The following SIN3A variants were observed in gnomAD, a reference collection of about 807,000 sequenced individuals.
The protein encoded by SIN3A is SIN3 transcription regulator family member A.
In SIN3A, 14 loss-of-function variants were observed where a neutral mutation model predicts 146.1. The ratio of observed to expected loss-of-function variants is 0.10; its 90% CI spans 0.06 to 0.15. SIN3A has a LOEUF of 0.15. Ranked by LOEUF, SIN3A falls within the 10% of genes least tolerant of loss-of-function variation. SIN3A has a pLI of 1.00. For missense variants in SIN3A, 1,028 were observed against 1,576.0 expected (o/e 0.65, Z 5.89); for synonymous variants, 572 against 572.0 (o/e 1.00, Z 0.00).
chr15:75,413,048 G>A lies in SIN3A; in HGVS notation c.474-3C>T. On this transcript the variant is annotated splice_polypyrimidine_tract_variant and splice_region_variant and intron_variant, in intron 4 of 20. Transcript: ENST00000394947. The stretch of plus-strand genomic sequence containing the variant: ...TAATCACTCCTGGGGTGTCGATGCT[G>A]ATAAAAAACAAAAAGAAAAGTGATA... 1.3e-6 allele frequency: 2 copies of A among 1,584,212 alleles called. No individual in the cohort carries two copies. The highest frequency in any genetic ancestry group is 2.0e-5 in the Admixed American group (1 of 51,106).
At chr15:75,385,776 T>C (rs1292267478) in intron 16 of SIN3A, among the ~76,000 whole-genome samples, 2 of 152,188 alleles carry the variant, frequency 1.3e-5, no homozygotes, top group African/African-American at 4.8e-5. Flanking sequence ...AGTAGATAAC[T>C]GGACACAGTG....
At chr15:75,434,100 C>T (rs1043119157) in intron 1 of SIN3A, among the ~76,000 whole-genome samples, 1 of 152,200 alleles carries the variant, frequency 6.6e-6, no homozygotes, top group African/African-American at 2.4e-5. Flanking sequence ...ACTACCTTAC[C>T]TCTCACAGAA....
upstream of SIN3A, among the ~76,000 whole-genome samples, chr15:75,454,501 T>TCCCGCCGGCGCCCCGCCTA (rs2074459157): frequency 6.6e-6 from 1 of 150,782 alleles, no homozygotes; most frequent in Non-Finnish European, 1.5e-5. Context: ...CCGGGACGGT[T>TCCCGCCGGCGCCCCGCCTA]CCCGCCGGCG....
At chr15:75,413,528 A>G (rs1023812305) in intron 4 of SIN3A, among the ~76,000 whole-genome samples, 1 of 150,646 alleles carries the variant, frequency 6.6e-6, no homozygotes, top group African/African-American at 2.4e-5. Flanking sequence ...TTAGACTCAA[A>G]GATACTTGGC....
At chr15:75,380,509 C>T (rs1567314966) in intron 19 of SIN3A, 120 bp downstream of exon 19, 1 of 736,302 alleles carries the variant, frequency 1.4e-6, no homozygotes, top group African/African-American at 1.7e-5. Flanking sequence ...GAATTAGCAT[C>T]CCCAGCAGAT....
chr15:75,440,310 A>G (rs1167814287), intron 1 of SIN3A, among the ~76,000 whole-genome samples: 1 of 150,900 alleles, frequency 6.6e-6, no homozygotes, highest in Non-Finnish European at 1.5e-5. Context: ...AACTCACTGC[A>G]ACCTCTGCCT....
rs1299400927 is a variant in SIN3A, at chr15:75,389,750, C to G, written c.2923G>C (p.Asp975His). 1 of 1,614,080 alleles carries G rather than the reference C, an allele frequency of 6.2e-7. No homozygotes were observed. Among genetic ancestry groups the G allele is most frequent in the African/African-American group, 1.3e-5 (1 of 75,024 alleles). The change falls in exon 16 of 21, where the codon GAC (aspartate) becomes CAC (histidine). Residue 975 changes from aspartate to histidine, a missense_variant. By Grantham distance (81) the Asp-to-His change is moderately conservative. Coordinates refer to ENST00000394947, the MANE Select transcript of SIN3A (RefSeq NM_001145358.2). ...AGTGAATCTTCATACTGTGATGAGT[C>G]TATGTTGCCATCCAGCAGGCTCCGC... ...MVRSLLDGNI[D>H]SSQYEDSLRE...
chr15:75,424,067 T>C (rs972172205), intron 2 of SIN3A, among the ~76,000 whole-genome samples: 3 of 152,128 alleles, frequency 2.0e-5, no homozygotes, highest in African/African-American at 7.2e-5. Flanking sequence ...TTTCTTAAAA[T>C]TTCAATCCAT....
intron 19 of SIN3A, among the ~76,000 whole-genome samples, chr15:75,377,090 G>A (rs1437916715): frequency 2.0e-5 from 3 of 152,142 alleles, no homozygotes; most frequent in Non-Finnish European, 2.9e-5. Context: ...GAACAAAAAT[G>A]CTGGTGGTGG....
Position 75,371,570 on chromosome 15 carries a change from G to C in SIN3A, c.*409C>G. ...TAGTTCCAATCCATCTGAGTATTAAGTCCTTCTCCAGTCTGTTTTGTAAAT... is the reference window on the plus strand; with the variant it reads ...TAGTTCCAATCCATCTGAGTATTAACTCCTTCTCCAGTCTGTTTTGTAAAT... On this transcript the variant is annotated 3_prime_UTR_variant, in exon 21 of 21. Coordinates refer to ENST00000394947, the MANE Select transcript of SIN3A (RefSeq NM_001145358.2). The C allele has an allele frequency of 5.7e-6, 1 of 174,004 alleles. No homozygotes were observed. Among genetic ancestry groups the C allele is most frequent in the Non-Finnish European group, 1.2e-5 (1 of 82,444 alleles). 10.8% of individuals were successfully genotyped at this position (174,004 alleles called of 1,614,324 possible). A position where few individuals can be genotyped will look rare whatever the true frequency, so the allele number is the denominator to read the frequency against.
intron 1 of SIN3A, among the ~76,000 whole-genome samples, chr15:75,437,718 C>T (rs2141598450): frequency 6.6e-6 from 1 of 152,276 alleles, no homozygotes; most frequent in South Asian, 2.1e-4. Flanking sequence ...CTTCAGCCAA[C>T]ATGGTTGATC....
intron 11 of SIN3A, 50 bp downstream of exon 11, chr15:75,400,680 C>T: frequency 7.1e-7 from 1 of 1,401,474 alleles, no homozygotes; most frequent in South Asian, 1.2e-5. Context: ...CCACTCCCTT[C>T]TGGAAAAAGC....
intron 20 of SIN3A, among the ~76,000 whole-genome samples, chr15:75,372,831 A>C (rs2072778370): frequency 6.6e-6 from 1 of 151,670 alleles, no homozygotes; most frequent in Non-Finnish European, 1.5e-5. Context: ...AAAAAAAAAA[A>C]AAAAAAAAAC....
At chr15:75,383,109 G>GA (rs199520281) in intron 17 of SIN3A, among the ~76,000 whole-genome samples, 185 of 139,598 alleles carry the variant, frequency 1.3e-3, no homozygotes, top group East Asian at 3.5e-3. Context: ...TCCATCTCGG[G>GA]AAAAAAAAAA....
Position 75,409,932 on chromosome 15 carries a change from A to G in SIN3A, c.1221T>C (p.Thr407=), listed in dbSNP as rs1284648006. The G allele has an allele frequency of 6.2e-7, 1 of 1,614,110 alleles. No homozygotes were observed. The highest frequency in any genetic ancestry group is 1.1e-5 in the South Asian group (1 of 91,078). The change falls in exon 8 of 21, where the codon ACT becomes ACC. Residue 407 remains threonine, a synonymous_variant. Transcript: ENST00000394947. The part of the protein sequence containing the change: ...VDSVRNDHGG[T]VKKPQLNNKP... ...TGTTGTTCAGTTGGGGCTTCTTGAC[A>G]GTGCCTCCATGATCATTTCTCACAG...
At chr15:75,427,705 C>A (rs1366289605) in intron 2 of SIN3A, among the ~76,000 whole-genome samples, 2 of 151,644 alleles carry the variant, frequency 1.3e-5, no homozygotes, top group Non-Finnish European at 2.9e-5. Context: ...CGTGGTGGCT[C>A]ACACCTGTAA....
intron 1 of SIN3A, among the ~76,000 whole-genome samples, chr15:75,445,695 G>A (rs2141628090): frequency 6.8e-6 from 1 of 147,472 alleles, no homozygotes; most frequent in East Asian, 2.0e-4. Context: ...TGTGTGCAAT[G>A]AGCCGAGATA....
chr15:75,400,867 G>C lies in SIN3A; in HGVS notation c.1600C>G (p.Pro534Ala). ...YKESVHLETYPKERATEGIAM... is the reference protein window; with the variant it reads ...YKESVHLETYAKERATEGIAM... ...ATGCCCTCTGTGGCTCGCTCCTTTGGATAAGTTTCCAGATGTACAGACTCC... is the reference window on the plus strand; with the variant it reads ...ATGCCCTCTGTGGCTCGCTCCTTTGCATAAGTTTCCAGATGTACAGACTCC... Residue 534 changes from proline (P) to alanine (A), a missense_variant, in exon 11 of 21, where the codon CCA becomes GCA. Around this residue, in one of 9 missense-constraint regions of SIN3A, gnomAD observed 157 missense variants for 284.8 expected, o/e 0.55. Transcript: ENST00000394947. 1.2e-6 allele frequency: 2 copies of C among 1,614,090 alleles called. No individual in the cohort carries two copies. Among genetic ancestry groups the C allele is most frequent in the Non-Finnish European group, 1.7e-6 (2 of 1,179,982 alleles).
chr15:75,438,352 A>G (rs890086111), intron 1 of SIN3A, among the ~76,000 whole-genome samples: 25 of 149,262 alleles, frequency 1.7e-4, no homozygotes, highest in African/African-American at 6.0e-4. Flanking sequence ...TTGACAGAAC[A>G]AGGCTCTCCG....
Sources: gnomAD v4.1 joint callset for allele counts (sites outside exome capture counted in the v4.1 genomes callset) on GRCh38, gnomAD v4.1.1 for gene constraint, gnomAD v4.1.1 regional missense constraint, MANE v1.5 for transcripts, NCBI Gene and HGNC (gene_info 2026-07-23, HGNC 2026-07-21) for gene names.